Variants in ANKRD28 observed in about 807,000 individuals in gnomAD.
The protein encoded by ANKRD28 is ankyrin repeat domain 28, also known as serine/threonine-protein phosphatase 6 regulatory ankyrin repeat subunit A.
A neutral mutation model predicts 126.5 loss-of-function variants in ANKRD28; 44 were observed. The observed-to-expected ratio is 0.35, with a 90% confidence interval of 0.27 to 0.45. The LOEUF is 0.45. Ranked by LOEUF, ANKRD28 falls within the 20% of genes least tolerant of loss-of-function variation. The pLI, the probability that ANKRD28 is intolerant of heterozygous loss-of-function variation, is 1.00. For synonymous variants in ANKRD28, 442 were observed against 468.5 expected (o/e 0.94, Z 0.73); for missense variants, 1,110 against 1,316.6 (o/e 0.84, Z 2.43).
intron 1 of ANKRD28, among the ~76,000 whole-genome samples, chr3:15,823,145 G>A (rs1399372976): frequency 6.6e-6 from 1 of 152,196 alleles, no homozygotes; most frequent in Non-Finnish European, 1.5e-5. Context: ...GCGTTGGGCT[G>A]AAATCGTTTC....
upstream of ANKRD28, among the ~76,000 whole-genome samples, chr3:15,799,549 C>T (rs1237525239): frequency 6.6e-6 from 1 of 151,996 alleles, no homozygotes; most frequent in Non-Finnish European, 1.5e-5. Flanking sequence ...ATTATGTTAT[C>T]CATCTCCACA....
At chr3:15,761,155 T>C (rs1447078724) in intron 3 of ANKRD28, among the ~76,000 whole-genome samples, 1 of 152,216 alleles carries the variant, frequency 6.6e-6, no homozygotes, top group Non-Finnish European at 1.5e-5. Context: ...TGTATGTTCT[T>C]ATGAAAACAT....
intron 23 of ANKRD28, 31 bp from the exon 24 acceptor site, chr3:15,678,385 T>G: frequency 6.4e-7 from 1 of 1,573,418 alleles, no homozygotes; most frequent in Non-Finnish European, 8.6e-7. Flanking sequence ...AATATATGAC[T>G]AAATTTGAAT....
intron 6 of ANKRD28, among the ~76,000 whole-genome samples, chr3:15,725,048 A>G (rs1433617624): frequency 6.6e-6 from 1 of 152,182 alleles, no homozygotes; most frequent in East Asian, 1.9e-4. Flanking sequence ...GACAATTAGT[A>G]ATTAAAAAGA....
intron 1 of ANKRD28, among the ~76,000 whole-genome samples, chr3:15,829,538 G>A (rs898520680): frequency 6.6e-6 from 1 of 152,038 alleles, no homozygotes; most frequent in Non-Finnish European, 1.5e-5. Flanking sequence ...AACTTTGAAT[G>A]GATCTTTTTT....
chr3:15,740,306 C>T (rs903744267), intron 4 of ANKRD28, among the ~76,000 whole-genome samples: 1 of 152,056 alleles, frequency 6.6e-6, no homozygotes, highest in African/African-American at 2.4e-5. Context: ...AAAGGTTACA[C>T]AGGTGTATAC....
rs185386403 is a variant in ANKRD28 at position 15,766,256 on chromosome 3, G to A, written c.258C>T (p.Ile86=). 9,414 of 1,611,022 alleles carry A rather than the reference G, an allele frequency of 5.8e-3. 50 individuals carry two copies. The highest frequency in any genetic ancestry group is 6.9e-3 in the Non-Finnish European group (8,132 of 1,178,044). The change falls in exon 3 of 28, where the codon ATC becomes ATT. Residue 86 remains isoleucine, a synonymous_variant. Coordinates refer to ENST00000683139, the MANE Select transcript of ANKRD28 (RefSeq NM_001349278.2). The part of the protein sequence containing the change: ...HAAAYLGDAE[I]IELLILSGAR... ...TACCAGATAAAATAAGAAGTTCAAT[G>A]ATTTCTGCATCTCCAAGGTAAGCTG... is the stretch of plus-strand genomic sequence containing the variant.
intron 2 of ANKRD28, among the ~76,000 whole-genome samples, chr3:15,775,134 C>T (rs946146262): frequency 6.6e-6 from 1 of 152,230 alleles, no homozygotes; most frequent in Non-Finnish European, 1.5e-5. Flanking sequence ...ACCTTGGCCT[C>T]CCAAAGTGGT....
intron 21 of ANKRD28, 83 bp downstream of exon 21, chr3:15,685,143 A>C: frequency 1.4e-6 from 2 of 1,460,028 alleles, no homozygotes; most frequent in Admixed American, 3.4e-5. Context: ...CTAATTTTAA[A>C]CTTAAAATTT....
At chr3:15,782,902 C>T (rs2059601538) in intron 2 of ANKRD28, among the ~76,000 whole-genome samples, 4 of 152,068 alleles carry the variant, frequency 2.6e-5, no homozygotes, top group Admixed American at 2.6e-4. Context: ...GGTGTACAAA[C>T]TGTTAGCTGG....
At chr3:15,714,986 G>C (rs976295457) in intron 8 of ANKRD28, among the ~76,000 whole-genome samples, 1 of 151,970 alleles carries the variant, frequency 6.6e-6, no homozygotes, top group Non-Finnish European at 1.5e-5. Context: ...ATCCTTCCTT[G>C]ACCAAGTAAA....
At chr3:15,670,628 T>C in intron 27 of ANKRD28, 72 bp from the exon 28 acceptor site, 2 of 1,431,464 alleles carry the variant, frequency 1.4e-6, no homozygotes, top group South Asian at 2.7e-5. Flanking sequence ...GAAATAAGCC[T>C]AAAGTACTTC....
chr3:15,802,441 T>C (rs1172586315), upstream of ANKRD28, among the ~76,000 whole-genome samples: 1 of 152,224 alleles, frequency 6.6e-6, no homozygotes, highest in East Asian at 1.9e-4. Flanking sequence ...TCTCTGGTAC[T>C]TGGAGCTGAG....
Position 15,804,148 on chromosome 3 carries a change from A to G in ANKRD28, c.28-8842T>C, listed in dbSNP as rs886323270. Among the ~76,000 whole-genome samples the G allele has an allele frequency of 1.4e-5, 2 of 145,272 alleles. 1 individual carries two copies. Among genetic ancestry groups the G allele is most frequent in the African/African-American group, 5.1e-5 (2 of 38,846 alleles). ...ATGCCAAGGAATTATAAGGTATCAT[A>G]TATCACCTTCAAACTCCTTATGCAA... is the stretch of plus-strand genomic sequence containing the variant. On this transcript the variant is annotated intron_variant, in intron 1 of 27. Coordinates refer to the ANKRD28 transcript ENST00000399451.
Position 15,670,024 on chromosome 3 carries a change from CA to C in ANKRD28, c.*245del. 4.4e-6 allele frequency: 2 copies of C among 450,998 alleles called. No homozygotes were observed. The highest frequency in any genetic ancestry group is 7.9e-6 in the Non-Finnish European group (2 of 252,582). 27.9% of individuals were successfully genotyped at this position (450,998 alleles called of 1,614,324 possible). On this transcript the variant is annotated 3_prime_UTR_variant, in exon 28 of 28. Coordinates refer to ENST00000683139, the MANE Select transcript of ANKRD28 (RefSeq NM_001349278.2). ...CCTGGCACTGCAAAACCAAATTAAA[CA>C]ATTCCACAAAGAATTCTGACATCAA...
chr3:15,694,934 A>G (rs1219407825), intron 16 of ANKRD28, 121 bp from the exon 17 acceptor site: 23 of 917,592 alleles, frequency 2.5e-5, no homozygotes, highest in Non-Finnish European at 2.6e-5. Context: ...CTTATAAAAC[A>G]TGATTATTAT....
In ANKRD28 at chr3:15,816,789, A is replaced by G. The variant is rs1416697303; in HGVS notation, c.28-21483T>C. On this transcript the variant is annotated intron_variant, in intron 1 of 27. Transcript: ENST00000399451. The surrounding 1 kb of genome is among the most constrained non-coding windows in gnomAD (Gnocchi z 5.0). ...AAGTGTCTTATAATCCAAGACACTG[A>G]GAGATAGGAAGCTAGGATAATGAGT... 6.6e-6 allele frequency among the ~76,000 whole-genome samples: 1 copy of G among 152,212 alleles called. No individual in the cohort carries two copies. The highest frequency in any genetic ancestry group is 2.4e-5 in the African/African-American group (1 of 41,452).
At chr3:15,778,104 T>C (rs1374796324) in intron 2 of ANKRD28, among the ~76,000 whole-genome samples, 1 of 152,122 alleles carries the variant, frequency 6.6e-6, no homozygotes, top group Non-Finnish European at 1.5e-5. Flanking sequence ...TCCCAGCTGG[T>C]ATTACATCAG....
At chr3:15,771,968 A>G (rs1343620040) in intron 2 of ANKRD28, among the ~76,000 whole-genome samples, 3 of 152,200 alleles carry the variant, frequency 2.0e-5, no homozygotes. Flanking sequence ...AAATGTAGAA[A>G]ACTACTTCTA....
Sources: allele counts gnomAD v4.1 joint callset (sites outside exome capture counted in the v4.1 genomes callset), GRCh38; gene constraint gnomAD v4.1.1; non-coding constraint Gnocchi (gnomAD v3.1); transcripts MANE v1.5; gene names NCBI Gene and HGNC (gene_info 2026-07-23, HGNC 2026-07-21).